Variants in CTNNBL1 observed in about 807,000 individuals in gnomAD.
CTNNBL1 encodes the protein beta-catenin-like protein 1.
CTNNBL1 carries 31 observed loss-of-function variants against 72.7 expected under a neutral mutation model. The observed-to-expected ratio is 0.43, with a 90% CI of 0.32 to 0.58. The LOEUF is 0.58. CTNNBL1 is among the 20% of genes least tolerant of loss of function. The pLI, the probability that CTNNBL1 is intolerant of heterozygous loss-of-function variation, is 0.08. For missense variants in CTNNBL1, 534 were observed against 725.1 expected (o/e 0.74, Z 3.03); for synonymous variants, 240 against 267.3 (o/e 0.90, Z 1.00).
intron 3 of CTNNBL1, among the ~76,000 whole-genome samples, chr20:37,745,266 G>A (rs544364380): frequency 1.1e-3 from 165 of 152,250 alleles, no homozygotes; most frequent in African/African-American, 3.9e-3. Context: ...CAGCCCCACA[G>A]CATCTGGAAG....
At chr20:37,852,566 C>T (rs1003766263) in intron 13 of CTNNBL1, among the ~76,000 whole-genome samples, 15 of 152,152 alleles carry the variant, frequency 9.9e-5, no homozygotes, top group African/African-American at 3.1e-4. Flanking sequence ...CATACCCATA[C>T]GCAGGTAGAA....
intron 11 of CTNNBL1, among the ~76,000 whole-genome samples, chr20:37,819,084 T>A (rs59395479): frequency 0.076 from 11,635 of 152,280 alleles, 567 homozygotes; most frequent in African/African-American, 0.12. Context: ...TTTAGAGATT[T>A]CTACTTCATT....
At chr20:37,731,601 C>G (rs1367880504) in intron 1 of CTNNBL1, among the ~76,000 whole-genome samples, 1 of 152,158 alleles carries the variant, frequency 6.6e-6, no homozygotes, top group African/African-American at 2.4e-5. Context: ...CCTCTGGTGA[C>G]GATCATTCTA....
Position 37,821,810 on chromosome 20 carries a change from A to G in CTNNBL1, c.1214-18292A>G, listed in dbSNP as rs138391127. ...TGTGGAGGGCTCCCCTTCATATTGT[A>G]GAGTGTTCAGCAGCATCCTTGGCCT... is the stretch of plus-strand genomic sequence containing the variant. On this transcript the variant is annotated intron_variant, in intron 11 of 15. Coordinates refer to ENST00000361383, the MANE Select transcript of CTNNBL1 (RefSeq NM_030877.5). 7.6e-3 allele frequency among the ~76,000 whole-genome samples: 1,160 copies of G among 152,282 alleles called. 15 individuals are homozygous for G. Among genetic ancestry groups the G allele is most frequent in the African/African-American group, 0.026 (1,077 of 41,550 alleles).
intron 11 of CTNNBL1, among the ~76,000 whole-genome samples, chr20:37,830,237 C>T (rs79266757): frequency 0.041 from 6,254 of 152,064 alleles, 184 homozygotes; most frequent in Non-Finnish European, 0.065. Flanking sequence ...TATTATAAAA[C>T]GATGACCACA....
chr20:37,838,503 C>G (rs115565088), intron 11 of CTNNBL1, among the ~76,000 whole-genome samples: 1,550 of 152,250 alleles, frequency 0.01, 31 homozygotes, highest in African/African-American at 0.034. Context: ...GCTGGAGAAA[C>G]TGGAGATTCT....
intron 7 of CTNNBL1, among the ~76,000 whole-genome samples, chr20:37,770,430 G>C (rs887049933): frequency 2.6e-5 from 4 of 152,198 alleles, no homozygotes; most frequent in African/African-American, 9.7e-5. Flanking sequence ...ACGCAACCTT[G>C]AAATACACAA....
At chr20:37,711,464 A>G (rs538035010) in intron 1 of CTNNBL1, among the ~76,000 whole-genome samples, 1 of 151,496 alleles carries the variant, frequency 6.6e-6, no homozygotes, top group South Asian at 2.1e-4. Flanking sequence ...GTATTACACT[A>G]GACGTTGGGA....
intron 7 of CTNNBL1, among the ~76,000 whole-genome samples, chr20:37,772,869 G>A (rs1199345673): frequency 6.6e-6 from 1 of 152,166 alleles, no homozygotes; most frequent in Admixed American, 6.5e-5. Context: ...TAGCCTAGCA[G>A]TATATAGAGA....
At chr20:37,697,430 T>C (rs1335185724) in intron 1 of CTNNBL1, among the ~76,000 whole-genome samples, 1 of 152,122 alleles carries the variant, frequency 6.6e-6, no homozygotes, top group Non-Finnish European at 1.5e-5. Context: ...AGTATGGACA[T>C]AGGCTATTGG....
chr20:37,871,863 G>A (rs1196377388), intron 15 of CTNNBL1, 62 bp from the exon 16 acceptor site: 16 of 1,428,966 alleles, frequency 1.1e-5, no homozygotes, highest in Admixed American at 6.7e-5. Context: ...GGTATGAAGC[G>A]ACGCAGCCAC....
intron 11 of CTNNBL1, among the ~76,000 whole-genome samples, chr20:37,804,346 C>T (rs975275829): frequency 2.6e-5 from 4 of 152,022 alleles, no homozygotes; most frequent in African/African-American, 4.8e-5. Context: ...TTTCCTGGCC[C>T]GGCTGCACTA....
intron 13 of CTNNBL1, among the ~76,000 whole-genome samples, chr20:37,856,200 C>CAAAA (rs72145244): frequency 5.0e-5 from 7 of 139,008 alleles, no homozygotes; most frequent in Admixed American, 1.4e-4. Context: ...AACTCCTTCT[C>CAAAA]AAAAAAAAAA....
intron 2 of CTNNBL1, among the ~76,000 whole-genome samples, chr20:37,735,039 A>T (rs2073160234): frequency 1.3e-5 from 2 of 152,208 alleles, no homozygotes; most frequent in Admixed American, 1.3e-4. Context: ...AAATGTTTTG[A>T]TTATTTTAGT....
chr20:37,843,415 A>T (rs903268302), intron 13 of CTNNBL1, among the ~76,000 whole-genome samples: 8 of 152,190 alleles, frequency 5.3e-5, no homozygotes, highest in South Asian at 2.1e-4. Context: ...TTGCACTGGG[A>T]ATTACACCAG....
At chr20:37,730,095 C>T (rs2073117169) in intron 1 of CTNNBL1, among the ~76,000 whole-genome samples, 1 of 152,104 alleles carries the variant, frequency 6.6e-6, no homozygotes, top group South Asian at 2.1e-4. Context: ...GTGGAGCAAG[C>T]AGGAAACATG....
rs114407798 is a variant in CTNNBL1 at position 37,841,356 on chromosome 20, G to A, written c.1312-983G>A. ...TGACATCAGTTAACATCTGTGCTTC[G>A]GTTTCCTCATCTTTGAAATGGGGTT... On this transcript the variant is annotated intron_variant, in intron 12 of 15. Transcript: ENST00000361383. 4.1e-3 allele frequency among the ~76,000 whole-genome samples: 629 copies of A among 152,234 alleles called. 4 individuals carry two copies. Among genetic ancestry groups the A allele is most frequent in the African/African-American group, 0.014 (593 of 41,554 alleles).
intron 2 of CTNNBL1, among the ~76,000 whole-genome samples, chr20:37,734,260 T>C (rs1271546958): frequency 6.6e-6 from 1 of 152,230 alleles, no homozygotes; most frequent in Non-Finnish European, 1.5e-5. Context: ...TAGTGCTAAT[T>C]TGGGGGTCTC....
chr20:37,735,954 A>C (rs563295236), intron 2 of CTNNBL1, among the ~76,000 whole-genome samples: 1 of 152,356 alleles, frequency 6.6e-6, no homozygotes, highest in East Asian at 1.9e-4. Flanking sequence ...GCATTGCAGC[A>C]CATTAATTTA....
Sources: gnomAD v4.1 joint callset for allele counts (sites outside exome capture counted in the v4.1 genomes callset) on GRCh38, gnomAD v4.1.1 for gene constraint, MANE v1.5 for transcripts, NCBI Gene and HGNC (gene_info 2026-07-23, HGNC 2026-07-21) for gene names.